DSC3: variants seen among roughly 807,000 people sequenced by gnomAD.
DSC3 encodes desmocollin-3.
DSC3 carries 97 observed loss-of-function variants against 89.5 expected under a neutral mutation model. That is an observed-to-expected ratio of 1.08 (90% CI 0.92 to 1.28). The LOEUF (loss-of-function observed/expected upper bound fraction) is 1.28, where lower values mean the gene tolerates loss of function less well. DSC3 is among the 50% of genes most tolerant of loss of function. The probability of loss-of-function intolerance (pLI) is 0.00; values close to 1 mark genes in which losing one functional copy is unlikely to be tolerated. For synonymous variants in DSC3, 436 were observed against 384.1 expected, an observed-to-expected ratio of 1.14 and a Z score of -1.58; for missense variants, 1,199 against 1,085.3, an observed-to-expected ratio of 1.10 and a Z score of -1.47.
intron 4 of DSC3, 75 bp from the exon 5 acceptor site, chr18:31,025,990 T>G: frequency 1.5e-6 from 2 of 1,305,884 alleles, no homozygotes; most frequent in Non-Finnish European, 2.1e-6. Flanking sequence ...GCAGCTGATG[T>G]ATCTTTTTAT....
At chr18:31,000,867 T>C (rs897904649) in intron 14 of DSC3, among the ~76,000 whole-genome samples, 3 of 151,918 alleles carry the variant, frequency 2.0e-5, no homozygotes, top group South Asian at 2.1e-4. Context: ...CTTTATCATA[T>C]TGGTTTATTG....
intron 9 of DSC3, among the ~76,000 whole-genome samples, chr18:31,017,356 A>T (rs931136381): frequency 6.6e-6 from 1 of 152,168 alleles, no homozygotes; most frequent in Admixed American, 6.5e-5. Context: ...ATTCTTGTCC[A>T]CAGGACAATA....
At chr18:31,026,658 T>G (rs1236846238) in intron 4 of DSC3, among the ~76,000 whole-genome samples, 1 of 152,084 alleles carries the variant, frequency 6.6e-6, no homozygotes, top group East Asian at 1.9e-4. Context: ...AAGATGGAAG[T>G]CAAGGACACT....
chr18:31,032,253 G>C lies in DSC3; in HGVS notation c.93C>G (p.Ala31=). 1 of 1,613,278 alleles carries C rather than the reference G, an allele frequency of 6.2e-7. No individual in the cohort carries two copies. The highest frequency in any genetic ancestry group is 8.5e-7 in the Non-Finnish European group (1 of 1,179,438). The change falls in exon 2 of 16, where the codon GCC becomes GCG. Residue 31 remains alanine (A), a synonymous_variant. Transcript: ENST00000360428. ...GTACATTAAGTATCACCTTTTTGCA[G>C]GCTTCACCAGCACGACTGAAGATCT... ...TLVIFSRAGE[A]CKKVILNVPS... is the part of the protein sequence containing the mutation.
At chr18:31,000,150 A>G (rs1984604538) in intron 14 of DSC3, among the ~76,000 whole-genome samples, 1 of 152,136 alleles carries the variant, frequency 6.6e-6, no homozygotes, top group Non-Finnish European at 1.5e-5. Context: ...AGAGAGAAAT[A>G]GTGAATAAGA....
intron 9 of DSC3, among the ~76,000 whole-genome samples, chr18:31,011,683 C>A (rs574111138): frequency 6.6e-6 from 1 of 151,936 alleles, no homozygotes; most frequent in Non-Finnish European, 1.5e-5. Context: ...TAAAAGATGA[C>A]TCACTGAGAT....
rs754526928 is a variant in DSC3 at position 30,991,402 on chromosome 18, A to T, written c.*2773T>A. On this transcript the variant is annotated 3_prime_UTR_variant, in exon 16 of 16. Coordinates refer to ENST00000360428, the MANE Select transcript of DSC3 (RefSeq NM_001941.5). ...ATATAAGGAAATAATAATACTACATATGTGAAAATATAGAAATGAATCCCT... is the reference window on the plus strand; with the variant it reads ...ATATAAGGAAATAATAATACTACATTTGTGAAAATATAGAAATGAATCCCT... 1 of 152,642 alleles carries T rather than the reference A, an allele frequency of 6.6e-6. No homozygotes were observed. The highest frequency in any genetic ancestry group is 1.5e-5 in the Non-Finnish European group (1 of 68,040). The allele number at this position is 152,642 out of a possible 1,614,324, so 9.5% of individuals were successfully genotyped here.
rs1984322132 is a variant in DSC3, at chr18:30,992,951, A to AT, written c.*1223dup. On this transcript the variant is annotated 3_prime_UTR_variant, in exon 16 of 16. Transcript: ENST00000360428. ...GAAGGGCAGTGAGGAGAAAAATGAA[A>AT]TTTTGTAGCTCCCAGACCTGATCAG... The AT allele has an allele frequency of 3.3e-5, 5 of 152,264 alleles. No homozygotes were observed. The South Asian group carries it at 1.0e-3, about 32-fold the overall frequency. 9.4% of individuals were successfully genotyped at this position (152,264 alleles called of 1,614,324 possible).
In DSC3 at chr18:31,001,766, A is replaced by G. The variant is rs759186646; in HGVS notation, c.2114-27T>C. The G allele has an allele frequency of 1.9e-6, 3 of 1,545,372 alleles. No homozygotes were observed. The South Asian group carries it at 3.6e-5, about 19-fold the overall frequency. On this transcript the variant is annotated intron_variant, in intron 13 of 15. Coordinates refer to ENST00000360428, the MANE Select transcript of DSC3 (RefSeq NM_001941.5). ...TGAATTTAAAAATAAAAATAAAATAACTTACTTTAGCATACATAGAATAAA... is the reference window on the plus strand; with the variant it reads ...TGAATTTAAAAATAAAAATAAAATAGCTTACTTTAGCATACATAGAATAAA...
intron 15 of DSC3, among the ~76,000 whole-genome samples, chr18:30,996,444 A>T (rs1053497435): frequency 1.1e-4 from 16 of 152,164 alleles, no homozygotes; most frequent in African/African-American, 3.9e-4. Context: ...AGAAATACAG[A>T]TTTCATTTGA....
At chr18:31,027,763 T>C (rs1391590100) in intron 4 of DSC3, among the ~76,000 whole-genome samples, 2 of 152,120 alleles carry the variant, frequency 1.3e-5, no homozygotes, top group Non-Finnish European at 2.9e-5. Flanking sequence ...AGCTTGAGGA[T>C]TTGTTTCTGA....
In DSC3 at chr18:30,994,218, T is replaced by C. The variant is rs956930063; in HGVS notation, c.2648A>G (p.Glu883Gly). 1.1e-5 allele frequency: 18 copies of C among 1,613,962 alleles called. No homozygotes were observed. The highest frequency in any genetic ancestry group is 1.5e-5 in the Non-Finnish European group (18 of 1,179,992). The change falls in exon 16 of 16, where the codon GAA (glutamate) becomes GGA (glycine). Residue 883 changes from glutamate to glycine, a missense_variant. Transcript: ENST00000360428. ...TTCTGCTAATGTAATAAATTTGGGT[T>C]CCAAATTATTTAAAAAGTCAAGGCC... ...EDGLDFLNNLEPKFITLAEAC... is the reference protein window; with the variant it reads ...EDGLDFLNNLGPKFITLAEAC...
At chr18:30,998,264 A>G (rs992830975) in intron 14 of DSC3, among the ~76,000 whole-genome samples, 5 of 152,170 alleles carry the variant, frequency 3.3e-5, no homozygotes, top group African/African-American at 9.6e-5. Context: ...GATGGACTCC[A>G]CAGAGAGCCT....
intron 1 of DSC3, 44 bp downstream of exon 1, chr18:31,042,548 A>T: frequency 1.3e-6 from 2 of 1,534,428 alleles, no homozygotes; most frequent in South Asian, 2.4e-5. Flanking sequence ...GGGCGGATCC[A>T]CCCCCGTCCC....
At position 31,009,342 on chromosome 18, in the gene DSC3, C is replaced by A. The variant is rs183309666; in HGVS notation, c.1264-817G>T. On this transcript the variant is annotated intron_variant, in intron 9 of 15. Transcript: ENST00000360428. ...TGCTGGGATTACAGGCGTGAACCACCATGCCCGGCCCCAAATGTGTGTTTT... is the reference window on the plus strand; with the variant it reads ...TGCTGGGATTACAGGCGTGAACCACAATGCCCGGCCCCAAATGTGTGTTTT... Among the ~76,000 whole-genome samples the A allele has an allele frequency of 1.1e-4, 16 of 152,260 alleles. No homozygotes were observed. In the East Asian group the frequency reaches 1.5e-3, roughly 15 times the overall value.
chr18:31,007,630 G>A (rs1984899187), intron 11 of DSC3, among the ~76,000 whole-genome samples: 1 of 152,032 alleles, frequency 6.6e-6, no homozygotes, highest in Admixed American at 6.6e-5. Flanking sequence ...TTACTTTAAG[G>A]AACAGAATTC....
In DSC3 at chr18:30,994,590, A is replaced by AG. The variant is rs989777556; in HGVS notation, c.2494-219_2494-218insC. ...TTCTAGTGCTCCATATAAATAAAAAATTATGTATACAAGTTTTATATTTAA... is the reference window on the plus strand; with the variant it reads ...TTCTAGTGCTCCATATAAATAAAAAAGTTATGTATACAAGTTTTATATTTAA... On this transcript the variant is annotated intron_variant, in intron 15 of 15. Transcript: ENST00000360428. 13 of 985,582 alleles carry AG rather than the reference A, an allele frequency of 1.3e-5. No individual in the cohort carries two copies. The Admixed American group carries it at 2.8e-4, about 21-fold the overall frequency. The allele number at this position is 985,582 out of a possible 1,614,324, so 61.1% of individuals were successfully genotyped here.
intron 4 of DSC3, among the ~76,000 whole-genome samples, chr18:31,026,166 A>G (rs1012285248): frequency 1.9e-4 from 29 of 152,128 alleles, no homozygotes; most frequent in African/African-American, 7.0e-4. Context: ...GAGGATAAAC[A>G]GGGAAGGATC....
intron 14 of DSC3, among the ~76,000 whole-genome samples, chr18:30,997,668 T>A (rs1448815417): frequency 6.6e-6 from 1 of 152,176 alleles, no homozygotes; most frequent in Non-Finnish European, 1.5e-5. Context: ...GAAGATCTTA[T>A]TCCAGGGAGA....
Sources: allele counts gnomAD v4.1 joint callset (sites outside exome capture counted in the v4.1 genomes callset), GRCh38; gene constraint gnomAD v4.1.1; transcripts MANE v1.5; gene names NCBI Gene and HGNC (gene_info 2026-07-23, HGNC 2026-07-21).